Variants in CPEB3 observed in about 807,000 individuals in gnomAD.
CPEB3 encodes the protein cytoplasmic polyadenylation element-binding protein 3.
Under a neutral mutation model 67.2 loss-of-function variants are expected in CPEB3, and 20 were observed. The observed-to-expected ratio is 0.30, with a 90% CI of 0.21 to 0.43. The LOEUF is 0.43. Ranked by LOEUF, CPEB3 falls within the 20% of genes least tolerant of loss-of-function variation. CPEB3 has a pLI of 1.00. For missense variants in CPEB3, 746 were observed against 968.6 expected, an observed-to-expected ratio of 0.77 and a Z score of 3.05; for synonymous variants, 376 against 393.1, an observed-to-expected ratio of 0.96 and a Z score of 0.51.
At chr10:92,115,895 A>G (rs1554889741) in intron 6 of CPEB3, among the ~76,000 whole-genome samples, 1 of 152,360 alleles carries the variant, frequency 6.6e-6, no homozygotes, top group African/African-American at 2.4e-5. Flanking sequence ...TTTGGTCCAA[A>G]TATAATTCTG....
At chr10:92,250,848 C>T (rs1852263505) in intron 1 of CPEB3, among the ~76,000 whole-genome samples, 1 of 149,226 alleles carries the variant, frequency 6.7e-6, no homozygotes, top group African/African-American at 2.5e-5. Flanking sequence ...TGCCACCACA[C>T]ACACAGTTAA....
At chr10:92,209,941 CAAAAAA>C (rs768962869) in intron 2 of CPEB3, among the ~76,000 whole-genome samples, 2 of 59,038 alleles carry the variant, frequency 3.4e-5, no homozygotes, top group Admixed American at 2.0e-4. Context: ...GGCTCTGTCT[CAAAAAA>C]AAAAAAAAAA....
chr10:92,057,867 C>T (rs1005837256), intron 9 of CPEB3, among the ~76,000 whole-genome samples: 11 of 152,188 alleles, frequency 7.2e-5, no homozygotes, highest in South Asian at 2.1e-4. Flanking sequence ...TATGAGTCTG[C>T]AGGAACCACA....
chr10:92,222,702 A>C (rs1430516122), intron 2 of CPEB3, among the ~76,000 whole-genome samples: 1 of 152,160 alleles, frequency 6.6e-6, no homozygotes, highest in Admixed American at 6.5e-5. Flanking sequence ...AATGAATGTT[A>C]CAGCTCACTT....
At position 92,067,368 on chromosome 10, in the gene CPEB3, C is replaced by T. The variant is rs182818322; in HGVS notation, c.1869+13952G>A. Among the ~76,000 whole-genome samples, 98 of 149,952 alleles carry T rather than the reference C, an allele frequency of 6.5e-4. 1 individual carries two copies. The highest frequency in any genetic ancestry group is 9.9e-4 in the Non-Finnish European group (67 of 67,400). ...ATACAAAATTAGCCAGGCATGGTGG[C>T]GCATGCCTGTAGTCCCAGCTACTTG... On this transcript the variant is annotated intron_variant, in intron 9 of 9. Transcript: ENST00000265997.
intron 1 of CPEB3, among the ~76,000 whole-genome samples, chr10:92,282,558 C>T (rs1842345006): frequency 6.6e-6 from 1 of 152,142 alleles, no homozygotes; most frequent in South Asian, 2.1e-4. Context: ...TGTGGTGGCG[C>T]GTGCCTGTAA....
chr10:92,181,367 CAAAAAAAAAAA>C (rs55896574), intron 3 of CPEB3, among the ~76,000 whole-genome samples: 17 of 95,404 alleles, frequency 1.8e-4, no homozygotes, highest in Non-Finnish European at 3.1e-4. Flanking sequence ...ATTCAAGCAG[CAAAAAAAAAAA>C]AAAAAAAAAA....
intron 2 of CPEB3, among the ~76,000 whole-genome samples, chr10:92,233,229 T>TA (rs1264912258): frequency 6.6e-6 from 1 of 151,696 alleles, no homozygotes; most frequent in Non-Finnish European, 1.5e-5. Context: ...AAGATGGTCT[T>TA]AAAAAAAAGA....
At chr10:92,189,259 A>T (rs1020013271) in intron 3 of CPEB3, among the ~76,000 whole-genome samples, 2 of 152,356 alleles carry the variant, frequency 1.3e-5, no homozygotes, top group East Asian at 1.9e-4. Context: ...GAAAATGGTA[A>T]GACGTTTATC....
intron 9 of CPEB3, among the ~76,000 whole-genome samples, chr10:92,068,654 C>T (rs1842644038): frequency 6.6e-6 from 1 of 152,120 alleles, no homozygotes; most frequent in Admixed American, 6.6e-5. Context: ...ATTTAAATCA[C>T]TGTAAAGAGT....
At chr10:92,277,336 C>A (rs544491422) in intron 1 of CPEB3, among the ~76,000 whole-genome samples, 4 of 152,172 alleles carry the variant, frequency 2.6e-5, no homozygotes, top group African/African-American at 9.7e-5. Context: ...GGTAGGGATG[C>A]AACACCATTC....
chr10:92,178,361 G>A (rs965229788), intron 4 of CPEB3, among the ~76,000 whole-genome samples: 5 of 151,998 alleles, frequency 3.3e-5, no homozygotes, highest in South Asian at 2.1e-4. Context: ...GTTTCTCCAC[G>A]TTGGCCAGGC....
At chr10:92,271,592 A>G (rs911647529) in intron 1 of CPEB3, among the ~76,000 whole-genome samples, 2 of 152,166 alleles carry the variant, frequency 1.3e-5, no homozygotes, top group Admixed American at 1.3e-4. Flanking sequence ...GGTCATACAT[A>G]TATTTTTCAA....
intron 2 of CPEB3, among the ~76,000 whole-genome samples, chr10:92,231,341 CTCTAAT>C (rs1280310403): frequency 6.6e-6 from 1 of 152,198 alleles, no homozygotes; most frequent in Non-Finnish European, 1.5e-5. Context: ...CTCTTTTAAA[CTCTAAT>C]TCTGACTACA....
chr10:92,110,768 C>T (rs1032528678), intron 7 of CPEB3, among the ~76,000 whole-genome samples: 1 of 152,214 alleles, frequency 6.6e-6, no homozygotes, highest in East Asian at 1.9e-4. Flanking sequence ...CGGAAACCAG[C>T]TGCCAAAACC....
At chr10:92,255,837 T>G (rs1292442538) in intron 1 of CPEB3, among the ~76,000 whole-genome samples, 6 of 152,244 alleles carry the variant, frequency 3.9e-5, no homozygotes, top group Non-Finnish European at 8.8e-5. Flanking sequence ...TTCTCAATCT[T>G]CTGCCCCTAA....
At chr10:92,145,863 T>G (rs1846654963) in intron 4 of CPEB3, among the ~76,000 whole-genome samples, 2 of 152,186 alleles carry the variant, frequency 1.3e-5, no homozygotes, top group African/African-American at 4.8e-5. Flanking sequence ...GTGGTCCTGA[T>G]AGCCAAGGGA....
chr10:92,209,026 G>A (rs973701396), intron 2 of CPEB3, among the ~76,000 whole-genome samples: 7 of 152,230 alleles, frequency 4.6e-5, no homozygotes, highest in Admixed American at 3.9e-4. Context: ...CAGAGACTAT[G>A]CCTCACTTAA....
At chr10:92,054,820 CAGTTGGATAT>C (rs1842052513) in intron 9 of CPEB3, among the ~76,000 whole-genome samples, 1 of 152,212 alleles carries the variant, frequency 6.6e-6, no homozygotes. Flanking sequence ...AAGAATCCCA[CAGTTGGATAT>C]TGTTCCTGCT....
Sources: gnomAD v4.1 joint callset for allele counts (sites outside exome capture counted in the v4.1 genomes callset) on GRCh38, gnomAD v4.1.1 for gene constraint, MANE v1.5 for transcripts, NCBI Gene and HGNC (gene_info 2026-07-23, HGNC 2026-07-21) for gene names.